Variants in GNAS observed in about 807,000 individuals in gnomAD.
GNAS encodes protein ALEX.
GNAS carries 8 observed loss-of-function variants against 54.5 expected under a neutral mutation model. The observed-to-expected ratio is 0.15, with a 90% CI of 0.09 to 0.26. The LOEUF (loss-of-function observed/expected upper bound fraction) is 0.26. GNAS is among the 10% of genes least tolerant of loss of function. GNAS has a pLI of 1.00. For synonymous variants in GNAS, 204 were observed against 191.4 expected (o/e 1.07, Z -0.54); for missense variants, 170 against 529.8 (o/e 0.32, Z 6.67).
rs2087738122 is a variant in GNAS, at chr20:58,875,369, CAT to C, written c.44-20242_44-20241del. On this transcript the variant is annotated intron_variant, in intron 1 of 12. Transcript: ENST00000306090. ...GGCTGATGAGGCTACTCGTAAGGGA[CAT>C]GTGCATTTTCATAAAGAGCTTTAGA... Among the ~76,000 whole-genome samples the C allele has an allele frequency of 3.3e-5, 5 of 152,282 alleles. No homozygotes were observed. In the South Asian group the frequency reaches 1.0e-3, roughly 32 times the overall value.
chr20:58,893,396 T>G (rs2089715829), intron 1 of GNAS, among the ~76,000 whole-genome samples: 1 of 152,216 alleles, frequency 6.6e-6, no homozygotes, highest in Non-Finnish European at 1.5e-5. Context: ...AGTTTTCCAC[T>G]TCCTTGATAA....
Position 58,891,513 on chromosome 20 carries a change from C to T in GNAS, c.-214C>T. ...GGCTCGAGGGGCGGGGAGCTGCGCG[C>T]GCCCCTCGGTCCGACCGACACCCTC... On this transcript the variant is annotated 5_prime_UTR_variant, in exon 1 of 13. Coordinates refer to ENST00000371085, the MANE Select transcript of GNAS (RefSeq NM_000516.7). The T allele has an allele frequency of 1.0e-6, 1 of 974,932 alleles. No individual in the cohort carries two copies. Among genetic ancestry groups the T allele is most frequent in the Non-Finnish European group, 1.2e-6 (1 of 823,216 alleles). 60.4% of individuals were successfully genotyped at this position (974,932 alleles called of 1,614,324 possible). A position where few individuals can be genotyped will look rare whatever the true frequency, so the allele number is the denominator to read the frequency against.
Position 58,853,929 on chromosome 20 carries a change from G to A in GNAS, c.43+13043G>A, listed in dbSNP as rs1285740433. 1 of 1,611,298 alleles carries A rather than the reference G, an allele frequency of 6.2e-7. No individual in the cohort carries two copies. The highest frequency in any genetic ancestry group is 1.7e-5 in the Admixed American group (1 of 59,860). On this transcript the variant is annotated intron_variant, in intron 1 of 12. Coordinates refer to the GNAS transcript ENST00000306090. This position sits in a 1 kb window ranked among gnomAD's most constrained non-coding sequence, Gnocchi z 4.4. Reference sequence around the variant, plus strand: ...AGGAGGCTACAGCCCTCCCCCTGAGGAGACTATGCCATTTGAGCTTGATGG... The same window carrying A: ...AGGAGGCTACAGCCCTCCCCCTGAGAAGACTATGCCATTTGAGCTTGATGG...
At position 58,853,518 on chromosome 20, in the gene GNAS, T is replaced by C. The variant is rs747636634; in HGVS notation, c.43+12632T>C. On this transcript the variant is annotated intron_variant, in intron 1 of 12. Coordinates refer to the GNAS transcript ENST00000306090. The surrounding 1 kb of genome is among the most constrained non-coding windows in gnomAD (Gnocchi z 4.4). Reference sequence around the variant, plus strand: ...CAACTTTCAGGTCCTCAACCCGGCATTCAGGGAAGCTGGAGCCCATGGAAG... The same window carrying C: ...CAACTTTCAGGTCCTCAACCCGGCACTCAGGGAAGCTGGAGCCCATGGAAG... 6.2e-7 allele frequency: 1 copy of C among 1,613,278 alleles called. No individual in the cohort carries two copies. Among genetic ancestry groups the C allele is most frequent in the Non-Finnish European group, 8.5e-7 (1 of 1,179,866 alleles).
chr20:58,905,235 G>T, intron 5 of GNAS, 148 bp from the exon 6 acceptor site: 1 of 675,360 alleles, frequency 1.5e-6, no homozygotes, highest in East Asian at 2.7e-5. Flanking sequence ...AGTTCTTTGT[G>T]AGCATTAATT....
chr20:58,875,688 C>T (rs909664540), intron 1 of GNAS, among the ~76,000 whole-genome samples: 15 of 152,184 alleles, frequency 9.9e-5, no homozygotes, highest in African/African-American at 3.6e-4. Context: ...GCGGGGTGCC[C>T]CCCCCACCCC....
At chr20:58,864,895 A>C (rs1247566284) in intron 1 of GNAS, among the ~76,000 whole-genome samples, 3 of 151,238 alleles carry the variant, frequency 2.0e-5, no homozygotes, top group Non-Finnish European at 4.4e-5. Context: ...GCACTGTGGG[A>C]TGTGTAGCAG....
At chr20:58,892,981 AAAAC>A in intron 1 of GNAS, among the ~76,000 whole-genome samples, 1 of 151,514 alleles carries the variant, frequency 6.6e-6, no homozygotes, top group Non-Finnish European at 1.5e-5. Flanking sequence ...GTGAAAAGAA[AAAAC>A]AAAGACATTC....
At chr20:58,883,362 A>G (rs2088375011) in intron 1 of GNAS, among the ~76,000 whole-genome samples, 2 of 152,196 alleles carry the variant, frequency 1.3e-5, no homozygotes, top group Non-Finnish European at 2.9e-5. Context: ...AGACTAAGGC[A>G]ACCGAAAAAC....
chr20:58,881,249 G>A (rs2088202364), intron 1 of GNAS, among the ~76,000 whole-genome samples: 1 of 152,196 alleles, frequency 6.6e-6, no homozygotes, highest in Non-Finnish European at 1.5e-5. Context: ...GGCTTTTCTA[G>A]ACTTTGGGAT....
intron 3 of GNAS, among the ~76,000 whole-genome samples, chr20:58,901,367 G>C (rs116555879): frequency 6.6e-6 from 1 of 152,182 alleles, no homozygotes; most frequent in Non-Finnish European, 1.5e-5. Flanking sequence ...GTCGCACAGA[G>C]CGGTCAGGAC....
upstream of GNAS, chr20:58,840,246 C>T: frequency 3.7e-6 from 6 of 1,611,338 alleles, no homozygotes; most frequent in Non-Finnish European, 5.1e-6. This position sits in a 1 kb window ranked among gnomAD's most constrained non-coding sequence, Gnocchi z 6.0. Context: ...GCCCTTGCCA[C>T]CTCCAACGCC....
intron 1 of GNAS, among the ~76,000 whole-genome samples, chr20:58,892,878 C>A (rs920270145): frequency 1.2e-4 from 15 of 122,166 alleles, no homozygotes; most frequent in African/African-American, 4.7e-4. Context: ...CTGCCCCCCC[C>A]ACCCACCACG....
At chr20:58,846,919 C>T (rs565751817) in intron 1 of GNAS, among the ~76,000 whole-genome samples, 2 of 152,238 alleles carry the variant, frequency 1.3e-5, no homozygotes, top group Non-Finnish European at 2.9e-5. Context: ...GAGATTCCCT[C>T]TTTCCCCTCC....
chr20:58,903,846 C>CTATA, intron 5 of GNAS, 55 bp downstream of exon 5: 1 of 1,601,334 alleles, frequency 6.2e-7, no homozygotes. Context: ...AGCACAGTGT[C>CTATA]CATATAGGAA....
At chr20:58,852,550 C>T (rs1327365091) in intron 1 of GNAS, among the ~76,000 whole-genome samples, 1 of 152,042 alleles carries the variant, frequency 6.6e-6, no homozygotes, top group Non-Finnish European at 1.5e-5. Context: ...CAGGGGTATC[C>T]TGGGGTGATG....
At chr20:58,902,253 T>G (rs1290386001) in intron 3 of GNAS, among the ~76,000 whole-genome samples, 3 of 152,162 alleles carry the variant, frequency 2.0e-5, no homozygotes, top group African/African-American at 7.2e-5. Context: ...GTTCCATTTT[T>G]GGGCTATAGA....
In GNAS at chr20:58,853,610, G is replaced by C. The variant is rs766344312; in HGVS notation, c.43+12724G>C. ...AACAGCCCAGCTTGGGAGGCTTCTG[G>C]CCTACACTGGAGCAGCCTGGATTCC... On this transcript the variant is annotated intron_variant, in intron 1 of 12. Coordinates refer to the GNAS transcript ENST00000306090. This position sits in a 1 kb window ranked among gnomAD's most constrained non-coding sequence, Gnocchi z 4.4. 1 of 1,613,320 alleles carries C rather than the reference G, an allele frequency of 6.2e-7. No homozygotes were observed. The highest frequency in any genetic ancestry group is 2.2e-5 in the East Asian group (1 of 44,874).
upstream of GNAS, chr20:58,840,234 G>A (rs754780507): frequency 1.4e-5 from 22 of 1,610,822 alleles, no homozygotes; most frequent in Non-Finnish European, 1.8e-5. The surrounding 1 kb of genome is among the most constrained non-coding windows in gnomAD (Gnocchi z 6.0). Flanking sequence ...GCGCTCCTCC[G>A]CGCCCTTGCC....
Sources: gnomAD v4.1 joint callset for allele counts (sites outside exome capture counted in the v4.1 genomes callset) on GRCh38, gnomAD v4.1.1 for gene constraint, Gnocchi (gnomAD v3.1) non-coding constraint, MANE v1.5 for transcripts, NCBI Gene and HGNC (gene_info 2026-07-23, HGNC 2026-07-21) for gene names.